CRMP1: variants seen among roughly 807,000 people sequenced by gnomAD.
CRMP1 encodes the protein collapsin response mediator protein 1.
CRMP1 carries 19 observed loss-of-function variants against 68.3 expected under a neutral mutation model. That is an observed-to-expected ratio of 0.28 (90% CI 0.19 to 0.41). The LOEUF (loss-of-function observed/expected upper bound fraction) is 0.41. Ranked by LOEUF, CRMP1 falls within the 10% of genes least tolerant of loss-of-function variation. The pLI is 1.00. For missense variants in CRMP1, 791 were observed against 967.4 expected (o/e 0.82, Z 2.42); for synonymous variants, 439 against 399.6 (o/e 1.10, Z -1.18).
At chr4:5,832,266 T>C (rs181904195) in intron 11 of CRMP1, among the ~76,000 whole-genome samples, 4 of 152,338 alleles carry the variant, frequency 2.6e-5, no homozygotes, top group Middle Eastern at 3.4e-3. Flanking sequence ...CTTCTCAATA[T>C]ACTAAAAGCC....
chr4:5,831,433 C>T (rs1720376074), intron 11 of CRMP1, among the ~76,000 whole-genome samples: 1 of 152,180 alleles, frequency 6.6e-6, no homozygotes. Flanking sequence ...CAGCTGTTGA[C>T]ACTGTGCCAG....
In CRMP1 at chr4:5,879,136, T is replaced by A. The variant is rs989991174; in HGVS notation, c.382-12380A>T. ...CATCTGTAGGACAAAGCTCACCTCC[T>A]AGGCTCTTCCCGGCCTGAGCCCGGC... On this transcript the variant is annotated intron_variant, in intron 1 of 13. Coordinates refer to ENST00000324989, the MANE Select transcript of CRMP1 (RefSeq NM_001014809.3). The surrounding 1 kb of genome is among the most constrained non-coding windows in gnomAD (Gnocchi z 4.2). 6.6e-6 allele frequency among the ~76,000 whole-genome samples: 1 copy of A among 151,778 alleles called. No homozygotes were observed. Among genetic ancestry groups the A allele is most frequent in the Non-Finnish European group, 1.5e-5 (1 of 67,932 alleles).
chr4:5,873,994 A>C (rs1714638372), intron 1 of CRMP1, among the ~76,000 whole-genome samples: 1 of 152,216 alleles, frequency 6.6e-6, no homozygotes, highest in African/African-American at 2.4e-5. Flanking sequence ...CTGGGTGGAA[A>C]TGGAAGAAGG....
chr4:5,840,770 C>G (rs1711662393), intron 8 of CRMP1, among the ~76,000 whole-genome samples: 1 of 152,204 alleles, frequency 6.6e-6, no homozygotes. Flanking sequence ...CCTCTCTGAG[C>G]CCCGGTTTCC....
At chr4:5,831,701 A>G (rs1577747972) in intron 11 of CRMP1, among the ~76,000 whole-genome samples, 1 of 152,242 alleles carries the variant, frequency 6.6e-6, no homozygotes, top group Admixed American at 6.5e-5. Context: ...CTCAAGCTGC[A>G]GAGGTGTGAG....
chr4:5,847,207 AG>A (rs1215755255), intron 6 of CRMP1, among the ~76,000 whole-genome samples: 8 of 152,116 alleles, frequency 5.3e-5, no homozygotes, highest in African/African-American at 1.9e-4. Flanking sequence ...GTATATCAGG[AG>A]GGTCAGGGAG....
chr4:5,839,410 G>T, intron 9 of CRMP1, 112 bp downstream of exon 9: 1 of 1,343,200 alleles, frequency 7.4e-7, no homozygotes, highest in Non-Finnish European at 1.0e-6. Context: ...GCACGGGGCA[G>T]AGCCTCCTCT....
intron 13 of CRMP1, among the ~76,000 whole-genome samples, chr4:5,822,703 A>G (rs752189915): frequency 2.6e-5 from 4 of 152,160 alleles, no homozygotes; most frequent in Non-Finnish European, 4.4e-5. Flanking sequence ...CAGGGAGGGG[A>G]AGTTGAGCCG....
intron 6 of CRMP1, among the ~76,000 whole-genome samples, chr4:5,846,177 T>G (rs1476384373): frequency 6.6e-6 from 1 of 152,018 alleles, no homozygotes; most frequent in Non-Finnish European, 1.5e-5. Flanking sequence ...ATGCCTATAG[T>G]CCCAGCTACT....
At chr4:5,868,289 A>C (rs1443750181) in intron 1 of CRMP1, among the ~76,000 whole-genome samples, 7 of 102,258 alleles carry the variant, frequency 6.8e-5, no homozygotes, top group South Asian at 3.1e-4. Context: ...ATATATATAT[A>C]TATATATATA....
At chr4:5,845,974 T>C (rs1712167338) in intron 6 of CRMP1, among the ~76,000 whole-genome samples, 1 of 152,136 alleles carries the variant, frequency 6.6e-6, no homozygotes, top group Non-Finnish European at 1.5e-5. Context: ...CCCAGTATTA[T>C]CAGCCACAAG....
intron 1 of CRMP1, among the ~76,000 whole-genome samples, chr4:5,867,956 A>G (rs566057804): frequency 6.6e-6 from 1 of 152,186 alleles, no homozygotes; most frequent in Admixed American, 6.5e-5. Context: ...CTACGTAAAC[A>G]TTCATGTATT....
intron 5 of CRMP1, 52 bp from the exon 6 acceptor site, chr4:5,849,524 C>A (rs1712467968): frequency 7.1e-6 from 8 of 1,131,640 alleles, no homozygotes; most frequent in African/African-American, 1.6e-5. Context: ...AAAAAAAAAT[C>A]ACAGCGTGTG....
In CRMP1 at chr4:5,854,457, CTGGT is replaced by C. The variant is rs1294321310; in HGVS notation, c.820+1682_820+1685del. 1.4e-5 allele frequency among the ~76,000 whole-genome samples: 2 copies of C among 138,308 alleles called. No homozygotes were observed. Among genetic ancestry groups the C allele is most frequent in the Non-Finnish European group, 3.0e-5 (2 of 65,608 alleles). 90.7% of individuals were successfully genotyped at this position (138,308 alleles called of 152,430 possible). A position where few individuals can be genotyped will look rare whatever the true frequency, so the allele number is the denominator to read the frequency against. On this transcript the variant is annotated intron_variant, in intron 4 of 13. Transcript: ENST00000324989. The surrounding 1 kb of genome is among the most constrained non-coding windows in gnomAD (Gnocchi z 4.0). Reference sequence around the variant, plus strand: ...TCGTGGTCTCACTATGTTGCCCAGGCTGGTCTCAAACTCCAGGCCTCAAGCAATC... The same window carrying C: ...TCGTGGTCTCACTATGTTGCCCAGGCCTCAAACTCCAGGCCTCAAGCAATC...
At position 5,835,701 on chromosome 4, in the gene CRMP1, G is replaced by A. The variant is rs535824904; in HGVS notation, c.1623+214C>T. Among the ~76,000 whole-genome samples, 22 of 152,364 alleles carry A rather than the reference G, an allele frequency of 1.4e-4. 1 individual carries two copies. The South Asian group carries it at 4.6e-3, about 32-fold the overall frequency. ...GACAGAGAGAGAGGAGAGGAAGAGA[G>A]AGAGAGAAAGAGAAGGAGAAGCAGC... On this transcript the variant is annotated intron_variant, in intron 11 of 13. Coordinates refer to ENST00000324989, the MANE Select transcript of CRMP1 (RefSeq NM_001014809.3).
At chr4:5,839,881 G>A (rs989874455) in intron 8 of CRMP1, among the ~76,000 whole-genome samples, 4 of 152,212 alleles carry the variant, frequency 2.6e-5, no homozygotes, top group Admixed American at 1.3e-4. Context: ...TCGGCGCCCC[G>A]CCACGCGCTC....
chr4:5,827,223 A>G (rs1380770013), intron 12 of CRMP1, among the ~76,000 whole-genome samples: 1 of 152,170 alleles, frequency 6.6e-6, no homozygotes, highest in African/African-American at 2.4e-5. Flanking sequence ...TCAGACCAAG[A>G]AGGAAATGAA....
Position 5,851,429 on chromosome 4 carries a change from G to T in CRMP1, c.861C>A (p.Val287=), listed in dbSNP as rs778643535. The part of the protein sequence containing the change: ...SFQVYMAYKD[V]YQMSDSQLYE... Reference sequence around the variant, plus strand: ...CTACCTGGCTGTCGGACATTTGGTAGACATCCTTATAGGCCATGTAGACTT... The same window carrying T: ...CTACCTGGCTGTCGGACATTTGGTATACATCCTTATAGGCCATGTAGACTT... Residue 287 remains valine (V), a synonymous_variant, in exon 5 of 14, where the codon GTC becomes GTA. Transcript: ENST00000324989. The T allele has an allele frequency of 3.7e-6, 6 of 1,614,174 alleles. No individual in the cohort carries two copies. Among genetic ancestry groups the T allele is most frequent in the South Asian group, 2.2e-5 (2 of 91,082 alleles).
At position 5,851,481 on chromosome 4, in the gene CRMP1, T is replaced by G. The variant is rs765307942; in HGVS notation, c.821-12A>C. 1.9e-6 allele frequency: 3 copies of G among 1,611,362 alleles called. No homozygotes were observed. Among genetic ancestry groups the G allele is most frequent in the Non-Finnish European group, 2.5e-6 (3 of 1,177,506 alleles). On this transcript the variant is annotated splice_polypyrimidine_tract_variant and intron_variant, in intron 4 of 13. Transcript: ENST00000324989. ...GAAGGAATTGACGCCTGTTTCAAGA[T>G]AGAAAGGATAGAAAAATATGTTTAA...
Sources: gnomAD v4.1 joint callset for allele counts (sites outside exome capture counted in the v4.1 genomes callset) on GRCh38, gnomAD v4.1.1 for gene constraint, Gnocchi (gnomAD v3.1) non-coding constraint, MANE v1.5 for transcripts, NCBI Gene and HGNC (gene_info 2026-07-23, HGNC 2026-07-21) for gene names.